The following ARHGAP28 variants were observed in gnomAD, a reference collection of about 807,000 sequenced individuals.
The protein encoded by ARHGAP28 is Rho GTPase activating protein 28, also known as rho GTPase-activating protein 28.
A neutral mutation model predicts 90.7 loss-of-function variants in ARHGAP28; 56 were observed. The ratio of observed to expected loss-of-function variants is 0.62; its 90% CI spans 0.50 to 0.77. The LOEUF (loss-of-function observed/expected upper bound fraction) is 0.77, where lower values mean the gene tolerates loss of function less well. Among genes scored for constraint, ARHGAP28 ranks in the 30% least tolerant of loss-of-function variants. ARHGAP28 has a pLI of 0.00. For synonymous variants in ARHGAP28, 308 were observed against 323.3 expected, an observed-to-expected ratio of 0.95 and a Z score of 0.51; for missense variants, 869 against 900.9, an observed-to-expected ratio of 0.96 and a Z score of 0.45.
intron 1 of ARHGAP28, among the ~76,000 whole-genome samples, chr18:6,783,037 C>G (rs1000768976): frequency 4.6e-5 from 7 of 152,136 alleles, no homozygotes; most frequent in African/African-American, 1.7e-4. Context: ...ACAGCCAGCT[C>G]CAACCTGCTA....
intron 1 of ARHGAP28, among the ~76,000 whole-genome samples, chr18:6,811,305 A>G (rs1257911285): frequency 6.6e-6 from 1 of 152,198 alleles, no homozygotes; most frequent in Non-Finnish European, 1.5e-5. Context: ...TGATATGAAC[A>G]TTATTAATAA....
chr18:6,898,736 C>T, intron 16 of ARHGAP28: 1 of 1,297,726 alleles, frequency 7.7e-7, no homozygotes, highest in Non-Finnish European at 9.8e-7. Context: ...TGCAGAGAGA[C>T]TCAAATCTTT....
At chr18:6,770,372 T>C (rs2056232658) in intron 1 of ARHGAP28, among the ~76,000 whole-genome samples, 1 of 152,222 alleles carries the variant, frequency 6.6e-6, no homozygotes, top group Non-Finnish European at 1.5e-5. Flanking sequence ...CTGTCAATAA[T>C]CTGGGCAATA....
intron 1 of ARHGAP28, among the ~76,000 whole-genome samples, chr18:6,764,745 A>G (rs1481463144): frequency 1.3e-5 from 2 of 152,198 alleles, no homozygotes; most frequent in Admixed American, 6.5e-5. Flanking sequence ...TCTTATCCCT[A>G]TGATTGATCA....
At chr18:6,907,292 C>G (rs1371562784) in intron 16 of ARHGAP28, among the ~76,000 whole-genome samples, 1 of 151,924 alleles carries the variant, frequency 6.6e-6, no homozygotes, top group African/African-American at 2.4e-5. Context: ...TGACCCAGCA[C>G]TGACACTCCT....
chr18:6,827,675 TG>T (rs1382628659), intron 2 of ARHGAP28, among the ~76,000 whole-genome samples: 1 of 150,138 alleles, frequency 6.7e-6, no homozygotes, highest in Non-Finnish European at 1.5e-5. Context: ...ATGGGGCGGC[TG>T]GCTGGGCGGA....
chr18:6,882,116 A>C (rs781742742), intron 10 of ARHGAP28, 21 bp from the exon 11 acceptor site: 11 of 1,602,512 alleles, frequency 6.9e-6, no homozygotes, highest in Non-Finnish European at 9.4e-6. Flanking sequence ...TTGAATACTG[A>C]CTGTTTTCCT....
intron 4 of ARHGAP28, among the ~76,000 whole-genome samples, chr18:6,855,231 A>T (rs930671897): frequency 6.6e-6 from 1 of 152,218 alleles, no homozygotes; most frequent in African/African-American, 2.4e-5. Context: ...GTTCTGGGTG[A>T]AGTCTGCTGA....
chr18:6,868,146 G>A lies in ARHGAP28; in HGVS notation c.727-4G>A. 6.2e-7 allele frequency: 1 copy of A among 1,612,504 alleles called. No individual in the cohort carries two copies. ...TTTTGTGTTCATCTTCCTTTGCTTG[G>A]CAGGCTATACTTGAGACCATTCCAG... On this transcript the variant is annotated splice_region_variant and splice_polypyrimidine_tract_variant and intron_variant, in intron 5 of 17. Coordinates refer to ENST00000383472, the MANE Select transcript of ARHGAP28 (RefSeq NM_001366230.1).
chr18:6,804,216 G>A (rs1195229518), intron 1 of ARHGAP28, among the ~76,000 whole-genome samples: 1 of 152,190 alleles, frequency 6.6e-6, no homozygotes, highest in African/African-American at 2.4e-5. Context: ...AAGTTGGTGA[G>A]CTTGTTGGCA....
intron 2 of ARHGAP28, among the ~76,000 whole-genome samples, chr18:6,825,997 G>A (rs1567960096): frequency 1.3e-5 from 2 of 152,122 alleles, no homozygotes; most frequent in Non-Finnish European, 2.9e-5. Flanking sequence ...GGGTCAAATG[G>A]TAGCTCTATT....
intron 1 of ARHGAP28, among the ~76,000 whole-genome samples, chr18:6,758,645 G>A (rs1014248595): frequency 6.6e-6 from 1 of 152,142 alleles, no homozygotes; most frequent in Middle Eastern, 3.2e-3. Flanking sequence ...TTTTAACATT[G>A]CACCAGAAAA....
intron 14 of ARHGAP28, among the ~76,000 whole-genome samples, chr18:6,891,958 A>T (rs1437062682): frequency 6.6e-6 from 1 of 152,138 alleles, no homozygotes; most frequent in Non-Finnish European, 1.5e-5. Flanking sequence ...AGGGAAAAGG[A>T]CAGTAAATGC....
chr18:6,879,051 T>A (rs2057156494), intron 10 of ARHGAP28, among the ~76,000 whole-genome samples: 1 of 152,108 alleles, frequency 6.6e-6, no homozygotes, highest in Non-Finnish European at 1.5e-5. Context: ...TTGGGGAGGC[T>A]GACAGGGGAG....
chr18:6,910,821 TTTTG>T (rs1391686461), intron 17 of ARHGAP28, among the ~76,000 whole-genome samples: 2 of 57,664 alleles, frequency 3.5e-5, no homozygotes, highest in Non-Finnish European at 5.0e-5. Flanking sequence ...CTCTTGGTAG[TTTTG>T]TTTTTTTGTT....
intron 4 of ARHGAP28, among the ~76,000 whole-genome samples, chr18:6,852,894 C>T (rs574521542): frequency 3.2e-4 from 49 of 152,270 alleles, no homozygotes; most frequent in African/African-American, 1.0e-3. Flanking sequence ...TGAGCTGGGG[C>T]TTGGAGCAAG....
chr18:6,830,518 T>A (rs2056707160), intron 2 of ARHGAP28, among the ~76,000 whole-genome samples: 1 of 152,130 alleles, frequency 6.6e-6, no homozygotes, highest in Non-Finnish European at 1.5e-5. Flanking sequence ...CCCCTCCCTG[T>A]GTCCATGTAT....
intron 1 of ARHGAP28, among the ~76,000 whole-genome samples, chr18:6,766,060 G>A (rs1443440277): frequency 1.3e-5 from 2 of 152,110 alleles, no homozygotes; most frequent in Middle Eastern, 3.2e-3. Flanking sequence ...ATGTTCCCTG[G>A]GAACCTAAAA....
intron 1 of ARHGAP28, among the ~76,000 whole-genome samples, chr18:6,774,962 G>A (rs1034664226): frequency 2.0e-5 from 3 of 152,208 alleles, no homozygotes; most frequent in African/African-American, 7.2e-5. Flanking sequence ...ATTAGCACCT[G>A]TGTTAGTGTA....
Sources: allele counts gnomAD v4.1 joint callset (sites outside exome capture counted in the v4.1 genomes callset), GRCh38; gene constraint gnomAD v4.1.1; transcripts MANE v1.5; gene names NCBI Gene and HGNC (gene_info 2026-07-23, HGNC 2026-07-21).